ANKS1B: variants seen among roughly 807,000 people sequenced by gnomAD.
ANKS1B encodes the protein ankyrin repeat and sterile alpha motif domain-containing protein 1B.
A neutral mutation model predicts 148.3 loss-of-function variants in ANKS1B; 36 were observed. That is an observed-to-expected ratio of 0.24 (90% CI 0.19 to 0.32). The LOEUF (loss-of-function observed/expected upper bound fraction) is 0.32, where lower values mean the gene tolerates loss of function less well. ANKS1B is among the 10% of genes least tolerant of loss of function. ANKS1B has a pLI of 1.00. For missense variants in ANKS1B, 1,157 were observed against 1,542.6 expected (o/e 0.75, Z 4.19); for synonymous variants, 542 against 560.8 (o/e 0.97, Z 0.47).
chr12:98,766,011 G>T (rs1260314029), intron 25 of ANKS1B, among the ~76,000 whole-genome samples: 2 of 152,220 alleles, frequency 1.3e-5, no homozygotes, highest in Non-Finnish European at 2.9e-5. Flanking sequence ...TTTAGAAGTG[G>T]GGGGTGCAAC....
At chr12:99,813,278 T>A (rs897702126) in intron 2 of ANKS1B, among the ~76,000 whole-genome samples, 10 of 151,558 alleles carry the variant, frequency 6.6e-5, no homozygotes, top group African/African-American at 2.4e-4. Flanking sequence ...ATGTCAACAA[T>A]CAAAAGCAGT....
intron 14 of ANKS1B, among the ~76,000 whole-genome samples, chr12:99,216,511 A>G (rs934638384): frequency 4.6e-5 from 7 of 152,198 alleles, no homozygotes; most frequent in Non-Finnish European, 8.8e-5. Flanking sequence ...AAAAAAATCT[A>G]TAATTTTCTT....
At chr12:99,493,561 A>G (rs2096574632) in intron 10 of ANKS1B, among the ~76,000 whole-genome samples, 1 of 152,206 alleles carries the variant, frequency 6.6e-6, no homozygotes, top group Non-Finnish European at 1.5e-5. Flanking sequence ...AGAAATGTAC[A>G]TAATTACCCT....
At chr12:99,094,383 A>G (rs1208026416) in intron 15 of ANKS1B, among the ~76,000 whole-genome samples, 1 of 152,256 alleles carries the variant, frequency 6.6e-6, no homozygotes, top group Non-Finnish European at 1.5e-5. Context: ...CCTTATTTAC[A>G]GATAATAGAC....
intron 17 of ANKS1B, among the ~76,000 whole-genome samples, chr12:99,021,256 G>GT (rs945055575): frequency 4.9e-4 from 75 of 151,844 alleles, no homozygotes; most frequent in African/African-American, 1.5e-3. Context: ...ACTTGGGAGA[G>GT]TTTTTTTTCT....
intron 10 of ANKS1B, among the ~76,000 whole-genome samples, chr12:99,479,074 C>A (rs2096370575): frequency 6.6e-6 from 1 of 151,896 alleles, no homozygotes; most frequent in Non-Finnish European, 1.5e-5. Flanking sequence ...ATACTTTTAG[C>A]ACATGTCAAT....
At chr12:99,049,846 G>C (rs577258075) in intron 17 of ANKS1B, among the ~76,000 whole-genome samples, 2 of 152,066 alleles carry the variant, frequency 1.3e-5, no homozygotes, top group Non-Finnish European at 2.9e-5. Flanking sequence ...AACCACTGAC[G>C]CTGAAGTTAT....
intron 17 of ANKS1B, among the ~76,000 whole-genome samples, chr12:98,972,158 A>G (rs1269614278): frequency 6.6e-6 from 1 of 151,200 alleles, no homozygotes; most frequent in Non-Finnish European, 1.5e-5. Context: ...ACACAGCGAG[A>G]CTCTGTCTCA....
At chr12:99,163,642 T>A (rs1461199108) in intron 14 of ANKS1B, among the ~76,000 whole-genome samples, 1 of 152,172 alleles carries the variant, frequency 6.6e-6, no homozygotes, top group Non-Finnish European at 1.5e-5. Flanking sequence ...TCCCATTTTT[T>A]GACCCCTGGC....
At chr12:98,799,170 T>G (rs935902700) in intron 21 of ANKS1B, among the ~76,000 whole-genome samples, 165 bp from the exon 22 acceptor site, 1 of 152,200 alleles carries the variant, frequency 6.6e-6, no homozygotes. Context: ...AATGCATTCA[T>G]AGAGAAAATG....
chr12:99,468,215 C>A (rs1422809051), intron 10 of ANKS1B, among the ~76,000 whole-genome samples: 1 of 152,034 alleles, frequency 6.6e-6, no homozygotes, highest in African/African-American at 2.4e-5. Flanking sequence ...ATAAATGGTG[C>A]TGGGAAAACT....
At chr12:99,210,828 T>C (rs2083253559) in intron 14 of ANKS1B, among the ~76,000 whole-genome samples, 1 of 152,220 alleles carries the variant, frequency 6.6e-6, no homozygotes, top group South Asian at 2.1e-4. Context: ...CTAATATCCT[T>C]GGCATTATCG....
chr12:99,812,444 G>T (rs2068486379), intron 2 of ANKS1B, 133 bp from the exon 3 acceptor site: 2 of 994,214 alleles, frequency 2.0e-6, no homozygotes, highest in African/African-American at 3.4e-5. Flanking sequence ...ATATAAAGTT[G>T]GGTTTCAAAG....
intron 15 of ANKS1B, among the ~76,000 whole-genome samples, chr12:99,137,200 C>T (rs567773335): frequency 5.9e-5 from 9 of 152,314 alleles, no homozygotes; most frequent in South Asian, 2.1e-4. Context: ...ACTGTTTTCT[C>T]TGTGCTACAG....
chr12:99,278,041 C>T (rs533510858), intron 12 of ANKS1B, among the ~76,000 whole-genome samples: 33 of 152,296 alleles, frequency 2.2e-4, no homozygotes, highest in African/African-American at 7.5e-4. Context: ...ACTCTTCAAG[C>T]GAGGATATTA....
At chr12:99,947,642 C>T (rs1327311159) in intron 1 of ANKS1B, among the ~76,000 whole-genome samples, 4 of 152,118 alleles carry the variant, frequency 2.6e-5, no homozygotes, top group Admixed American at 6.5e-5. Flanking sequence ...TATTATCTCA[C>T]GGTTTTGTAG....
At chr12:99,347,227 C>A (rs190185478) in intron 12 of ANKS1B, among the ~76,000 whole-genome samples, 1 of 152,022 alleles carries the variant, frequency 6.6e-6, no homozygotes, top group Non-Finnish European at 1.5e-5. Context: ...ACTGCTACGC[C>A]CATGAGACAA....
intron 9 of ANKS1B, among the ~76,000 whole-genome samples, chr12:99,635,652 C>T (rs1248783373): frequency 6.6e-6 from 1 of 151,850 alleles, no homozygotes; most frequent in African/African-American, 2.4e-5. Flanking sequence ...TTCAGATTTC[C>T]ATAATAAAAA....
chr12:99,254,069 A>C (rs2074971463), intron 12 of ANKS1B, among the ~76,000 whole-genome samples: 1 of 152,232 alleles, frequency 6.6e-6, no homozygotes, highest in Non-Finnish European at 1.5e-5. Flanking sequence ...AACTAAGGAG[A>C]CATTACAACT....
Sources: allele counts gnomAD v4.1 joint callset (sites outside exome capture counted in the v4.1 genomes callset), GRCh38; gene constraint gnomAD v4.1.1; transcripts MANE v1.5; gene names NCBI Gene and HGNC (gene_info 2026-07-23, HGNC 2026-07-21).